Variants in TMC4 observed in about 807,000 individuals in gnomAD.
TMC4 encodes transmembrane channel like 4.
Under a neutral mutation model 82.0 loss-of-function variants are expected in TMC4, and 70 were observed. That is an observed-to-expected ratio of 0.85 (90% confidence interval 0.70 to 1.04). The LOEUF (loss-of-function observed/expected upper bound fraction) is 1.04. Among genes scored for constraint, TMC4 ranks in the 50% least tolerant of loss-of-function variants. The pLI, the probability that TMC4 is intolerant of heterozygous loss-of-function variation, is 0.00. For missense variants in TMC4, 879 were observed against 899.0 expected (o/e 0.98, Z 0.28); for synonymous variants, 446 against 406.0 (o/e 1.10, Z -1.18).
In TMC4 at chr19:54,169,550, C is replaced by T; in HGVS notation, c.404G>A (p.Ser135Asn). 1 of 1,613,800 alleles carries T rather than the reference C, an allele frequency of 6.2e-7. No individual in the cohort carries two copies. The highest frequency in any genetic ancestry group is 1.3e-5 in the African/African-American group (1 of 75,012). The change falls in exon 3 of 15, where the codon AGC becomes AAC. Residue 135 changes from serine to asparagine, a missense_variant. Transcript: ENST00000619895. Reference protein sequence around the residue: ...SKEKTKEGLRSLQPWAWTLKR... With the variant: ...SKEKTKEGLRNLQPWAWTLKR... ...CAGTGTCCACGCCCAGGGCTGCAGG[C>T]TTCGCAAGCCTTCCTTTGTTTTCTC...
At chr19:54,163,617 C>A (rs745482526) in intron 8 of TMC4, 107 bp downstream of exon 8, 1 of 1,365,020 alleles carries the variant, frequency 7.3e-7, no homozygotes, top group East Asian at 2.3e-5. Flanking sequence ...GATTTGAATC[C>A]CTGGATTCGG....
intron 8 of TMC4, 111 bp downstream of exon 8, chr19:54,163,613 A>T: frequency 4.5e-6 from 6 of 1,338,772 alleles, no homozygotes; most frequent in Non-Finnish European, 6.4e-6. Flanking sequence ...TCAGGATTTG[A>T]ATCCCTGGAT....
At position 54,163,726 on chromosome 19, in the gene TMC4, G is replaced by A. The variant is rs1490624770; in HGVS notation, c.1275C>T (p.Leu425=). 1 of 1,613,888 alleles carries A rather than the reference G, an allele frequency of 6.2e-7. No homozygotes were observed. The highest frequency in any genetic ancestry group is 8.5e-7 in the Non-Finnish European group (1 of 1,180,014). The change falls in exon 8 of 15, where the codon CTC becomes CTT. Residue 425 remains leucine (L), a splice_region_variant and synonymous_variant. Coordinates refer to ENST00000619895, the MANE Select transcript of TMC4 (RefSeq NM_144686.4). ...TRSRQIVFIL[L]RTVFLRLASL... ...AGCCATCCCCGTGAGGCTGGAACCT[G>A]AGCAGGATAAAAACGATCTGGCGAC...
At chr19:54,160,742 C>A in intron 13 of TMC4, 136 bp downstream of exon 13, 2 of 1,401,792 alleles carry the variant, frequency 1.4e-6, no homozygotes. Flanking sequence ...CCCAGCAGTC[C>A]AGGAGCCTAG....
Position 54,163,791 on chromosome 19 carries a change from C to T in TMC4, c.1210G>A (p.Val404Met), listed in dbSNP as rs2075629762. ...IAGVNFVLPPVFKLIAPLEGY... is the reference protein window; with the variant it reads ...IAGVNFVLPPMFKLIAPLEGY... ...TCCAGTGGAGCAATGAGCTTGAACA[C>T]GGGCGGCAGCACAAAATTGACCCCA... Residue 404 changes from valine (V) to methionine (M), a missense_variant, in exon 8 of 15, where the codon GTG becomes ATG. Val to Met is a conservative substitution (Grantham distance 21, BLOSUM62 1). Coordinates refer to ENST00000619895, the MANE Select transcript of TMC4 (RefSeq NM_144686.4). 8.7e-6 allele frequency: 14 copies of T among 1,613,962 alleles called. No individual in the cohort carries two copies. The highest frequency in any genetic ancestry group is 1.7e-5 in the Admixed American group (1 of 59,970).
chr19:54,162,342 A>C (rs3816129), intron 10 of TMC4, 57 bp from the exon 11 acceptor site: 323,528 of 1,153,630 alleles, frequency 0.28, 42,143 homozygotes, highest in East Asian at 0.5. Flanking sequence ...TGGAGTTTCC[A>C]CGCCTCCACC....
Position 54,168,259 on chromosome 19 carries a change from A to C in TMC4, c.709T>G (p.Phe237Val). ...GCCAGGCGTGGGCGGGGCGGGTAGA[A>C]GCCATAGAAGAGAGGGGACCATTCC... is the stretch of plus-strand genomic sequence containing the variant. ...YLEWSPLFYG[F>V]YPPRPRLAVT... Residue 237 changes from phenylalanine to valine, a missense_variant, in exon 5 of 15, where the codon TTC becomes GTC. Phe to Val is a conservative substitution (Grantham distance 50, BLOSUM62 -1). Transcript: ENST00000619895. 6.4e-7 allele frequency: 1 copy of C among 1,558,900 alleles called. No individual in the cohort carries two copies. Among genetic ancestry groups the C allele is most frequent in the Non-Finnish European group, 8.7e-7 (1 of 1,150,866 alleles).
At chr19:54,160,728 C>G (rs1016766317) in intron 13 of TMC4, 150 bp downstream of exon 13, 14 of 1,406,236 alleles carry the variant, frequency 1.0e-5, no homozygotes, top group Non-Finnish European at 1.2e-5. Flanking sequence ...CCTCCTCCTT[C>G]GGACCCAGCA....
rs1207310691 is a variant in TMC4 at position 54,168,822 on chromosome 19, C to CTT, written c.443-144_443-143dup. 3.4e-5 allele frequency: 4 copies of CTT among 118,084 alleles called. 2 individuals carry two copies. The highest frequency in any genetic ancestry group is 5.0e-5 in the Non-Finnish European group (4 of 79,542). 7.3% of individuals were successfully genotyped at this position (118,084 alleles called of 1,614,324 possible). On this transcript the variant is annotated intron_variant, in intron 3 of 14. Coordinates refer to ENST00000619895, the MANE Select transcript of TMC4 (RefSeq NM_144686.4). Reference sequence around the variant, plus strand: ...CTTTTCTTTTCTTTTCTTTTCTTTTCTTTTCTTTTCTTTTCTTTTCTTTTC... The same window carrying CTT: ...CTTTTCTTTTCTTTTCTTTTCTTTTCTTTTTTCTTTTCTTTTCTTTTCTTTTC...
chr19:54,162,720 A>G lies in TMC4; in HGVS notation c.1455T>C (p.Asp485=), dbSNP rs2075596780. The change falls in exon 10 of 15, where the codon GAT becomes GAC. Residue 485 remains aspartate, a synonymous_variant. Transcript: ENST00000619895. ...GQEMYKLLLF[D]LLTVLAVALL... ...GCGCGACTGCCAAGACAGTCAGCAG[A>G]TCAAAGAGCAGAAGTTTGTACATTT... 3 of 1,614,090 alleles carry G rather than the reference A, an allele frequency of 1.9e-6. No individual in the cohort carries two copies. Among genetic ancestry groups the G allele is most frequent in the Non-Finnish European group, 1.7e-6 (2 of 1,180,006 alleles).
chr19:54,163,811 A>G lies in TMC4; in HGVS notation c.1190T>C (p.Val397Ala), dbSNP rs1234287724. ...GAACACGGGCGGCAGCACAAAATTG[A>G]CCCCAGCGATGAAGATGGACGGAAG... Reference protein sequence around the residue: ...NYLPSIFIAGVNFVLPPVFKL... With the variant: ...NYLPSIFIAGANFVLPPVFKL... Residue 397 changes from valine (V) to alanine (A), a missense_variant, in exon 8 of 15, where the codon GTC becomes GCC. Transcript: ENST00000619895. The G allele has an allele frequency of 1.2e-6, 2 of 1,613,336 alleles. No individual in the cohort carries two copies. The highest frequency in any genetic ancestry group is 1.7e-6 in the Non-Finnish European group (2 of 1,179,898).
chr19:54,170,357 G>A (rs1451460639), intron 2 of TMC4, among the ~76,000 whole-genome samples: 1 of 151,786 alleles, frequency 6.6e-6, no homozygotes, highest in Non-Finnish European at 1.5e-5. Context: ...AAAAGGTTAG[G>A]GAGAAGAGGT....
intron 6 of TMC4, among the ~76,000 whole-genome samples, 190 bp downstream of exon 6, chr19:54,165,229 C>G (rs963165091): frequency 6.6e-6 from 1 of 152,112 alleles, no homozygotes; most frequent in Non-Finnish European, 1.5e-5. Flanking sequence ...TTTTCCTACA[C>G]GCTTGGAGCT....
intron 3 of TMC4, 97 bp downstream of exon 3, chr19:54,169,415 T>A: frequency 3.0e-6 from 4 of 1,332,004 alleles, no homozygotes; most frequent in Non-Finnish European, 3.0e-6. Flanking sequence ...CCCAAGCCCC[T>A]CCTCCCTCAA....
Position 54,160,703 on chromosome 19 carries a change from C to G in TMC4, c.1974-158G>C, listed in dbSNP as rs565547136. On this transcript the variant is annotated intron_variant, in intron 13 of 14. Coordinates refer to ENST00000619895, the MANE Select transcript of TMC4 (RefSeq NM_144686.4). ...CCCCTCCGCCTTCAGATCCAGGAGT[C>G]CTACGTCCCGCCCACCTCCTCCTTC... 2.1e-5 allele frequency: 30 copies of G among 1,430,250 alleles called. No individual in the cohort carries two copies. In the African/African-American group the frequency reaches 3.6e-4, roughly 17 times the overall value. 88.6% of individuals were successfully genotyped at this position (1,430,250 alleles called of 1,614,324 possible).
At position 54,160,206 on chromosome 19, in the gene TMC4, G is replaced by A; in HGVS notation, c.*100C>T. ...TGGAAATCTCCAGATACCAAAGCTG[G>A]AAGGGCGTGGAGTCTTCTCCAGTTC... On this transcript the variant is annotated 3_prime_UTR_variant, in exon 15 of 15. Transcript: ENST00000619895. 1.5e-6 allele frequency: 2 copies of A among 1,295,058 alleles called. No homozygotes were observed. Among genetic ancestry groups the A allele is most frequent in the Non-Finnish European group, 2.1e-6 (2 of 964,212 alleles). 80.2% of individuals were successfully genotyped at this position (1,295,058 alleles called of 1,614,324 possible).
intron 14 of TMC4, 32 bp downstream of exon 14, chr19:54,160,435 C>T (rs1241140132): frequency 4.3e-6 from 7 of 1,610,118 alleles, no homozygotes; most frequent in Non-Finnish European, 5.9e-6. Flanking sequence ...CCATGTTCCC[C>T]AGGGGCCCTC....
chr19:54,168,228 G>A lies in TMC4; in HGVS notation c.740C>T (p.Thr247Ile). The change falls in exon 5 of 15, where the codon ACC becomes ATC. Residue 247 changes from threonine (T) to isoleucine (I), a missense_variant. Physicochemically the swap from Thr to Ile is moderately conservative, Grantham distance 89 (BLOSUM62 -1). Transcript: ENST00000619895. ...FYPPRPRLAVTYLCWAFAVGL... is the reference protein window; with the variant it reads ...FYPPRPRLAVIYLCWAFAVGL... Reference sequence around the variant, plus strand: ...AACGGCAAAGGCCCAGCACAGGTAGGTGACCGCCAGGCGTGGGCGGGGCGG... The same window carrying A: ...AACGGCAAAGGCCCAGCACAGGTAGATGACCGCCAGGCGTGGGCGGGGCGG... 3.2e-6 allele frequency: 5 copies of A among 1,587,190 alleles called. No individual in the cohort carries two copies. Among genetic ancestry groups the A allele is most frequent in the Non-Finnish European group, 4.3e-6 (5 of 1,166,400 alleles).
In TMC4 at chr19:54,160,562, C is replaced by T. The variant is rs1187859429; in HGVS notation, c.1974-17G>A. 1.9e-6 allele frequency: 3 copies of T among 1,613,544 alleles called. No homozygotes were observed. The highest frequency in any genetic ancestry group is 1.1e-5 in the South Asian group (1 of 91,088). Reference sequence around the variant, plus strand: ...ATCAGGATGCTGAAGGAGACAGGAACGGAAGCCACTCCTGACACGCTCTTC... The same window carrying T: ...ATCAGGATGCTGAAGGAGACAGGAATGGAAGCCACTCCTGACACGCTCTTC... On this transcript the variant is annotated splice_polypyrimidine_tract_variant and intron_variant, in intron 13 of 14. Coordinates refer to ENST00000619895, the MANE Select transcript of TMC4 (RefSeq NM_144686.4).
Sources: allele counts gnomAD v4.1 joint callset (sites outside exome capture counted in the v4.1 genomes callset), GRCh38; gene constraint gnomAD v4.1.1; transcripts MANE v1.5; gene names NCBI Gene and HGNC (gene_info 2026-07-23, HGNC 2026-07-21).